Variants in MLLT10 observed in about 807,000 individuals in gnomAD.
MLLT10 encodes the protein MLLT10 histone lysine methyltransferase DOT1L cofactor.
In MLLT10, 30 loss-of-function variants were observed where a neutral mutation model predicts 129.1. The ratio of observed to expected loss-of-function variants is 0.23; its 90% confidence interval spans 0.17 to 0.32. The LOEUF is 0.32. MLLT10 is among the 10% of genes least tolerant of loss of function. MLLT10 has a pLI of 1.00. For synonymous variants in MLLT10, 490 were observed against 446.4 expected, an observed-to-expected ratio of 1.10 and a Z score of -1.23; for missense variants, 1,119 against 1,268.3, an observed-to-expected ratio of 0.88 and a Z score of 1.79.
intron 5 of MLLT10, among the ~76,000 whole-genome samples, chr10:21,611,933 A>G (rs997099252): frequency 2.0e-5 from 3 of 152,048 alleles, no homozygotes; most frequent in Admixed American, 6.6e-5. Context: ...CCCTGTTTCA[A>G]ACCCTCTTAG....
chr10:21,600,227 A>C (rs2043392424), intron 5 of MLLT10, among the ~76,000 whole-genome samples: 1 of 152,192 alleles, frequency 6.6e-6, no homozygotes, highest in South Asian at 2.1e-4. Context: ...GTACATGGTA[A>C]GACAAATATT....
intron 6 of MLLT10, among the ~76,000 whole-genome samples, chr10:21,613,734 C>T (rs140342686): frequency 6.6e-6 from 1 of 152,092 alleles, no homozygotes; most frequent in Non-Finnish European, 1.5e-5. Context: ...AAAACCCCAT[C>T]TCTACTACAA....
chr10:21,567,863 A>G (rs2039766740), intron 3 of MLLT10, among the ~76,000 whole-genome samples: 1 of 145,666 alleles, frequency 6.9e-6, no homozygotes, highest in South Asian at 2.2e-4. Flanking sequence ...TCTGTCACCC[A>G]GGCTGGAGTG....
chr10:21,677,796 G>A (rs1213436962), intron 11 of MLLT10, among the ~76,000 whole-genome samples: 2 of 152,234 alleles, frequency 1.3e-5, no homozygotes, highest in Admixed American at 6.5e-5. Flanking sequence ...TGAATGACAG[G>A]TCGATAATTT....
At chr10:21,687,263 G>A (rs1014850975) in intron 13 of MLLT10, among the ~76,000 whole-genome samples, 2 of 152,126 alleles carry the variant, frequency 1.3e-5, no homozygotes, top group African/African-American at 4.8e-5. Flanking sequence ...GTTCTACTTA[G>A]GCTTGTCAGA....
intron 13 of MLLT10, among the ~76,000 whole-genome samples, chr10:21,701,310 GA>G (rs1305123385): frequency 4.8e-5 from 7 of 145,146 alleles, no homozygotes; most frequent in Non-Finnish European, 9.0e-5. Context: ...TTGAGAGGGA[GA>G]GGGGGTCTCT....
At chr10:21,658,249 C>A (rs565773543) in intron 9 of MLLT10, among the ~76,000 whole-genome samples, 155 of 152,312 alleles carry the variant, frequency 1.0e-3, no homozygotes, top group African/African-American at 3.2e-3. Context: ...CTTGTGACTT[C>A]TTTTAATCTC....
chr10:21,631,897 A>G (rs1564542735), intron 8 of MLLT10, among the ~76,000 whole-genome samples: 1 of 151,688 alleles, frequency 6.6e-6, no homozygotes, highest in East Asian at 1.9e-4. Context: ...AAAGTTAGAT[A>G]AATCTGTATT....
chr10:21,612,318 A>ATT, intron 5 of MLLT10, 30 bp from the exon 6 acceptor site: 1 of 1,378,050 alleles, frequency 7.3e-7, no homozygotes, highest in Non-Finnish European at 1.0e-6. Flanking sequence ...AACATGTATG[A>ATT]TTTTTGTCTT....
chr10:21,707,986 G>C (rs987472662), intron 13 of MLLT10, among the ~76,000 whole-genome samples: 9 of 152,040 alleles, frequency 5.9e-5, no homozygotes, highest in African/African-American at 2.2e-4. Flanking sequence ...TTTCACTCTT[G>C]TGGTACCTTT....
intron 3 of MLLT10, among the ~76,000 whole-genome samples, chr10:21,559,480 A>G (rs1316869729): frequency 1.3e-5 from 2 of 152,268 alleles, no homozygotes; most frequent in Non-Finnish European, 2.9e-5. Flanking sequence ...TACACATAAT[A>G]CAAAATATAC....
intron 8 of MLLT10, among the ~76,000 whole-genome samples, chr10:21,623,075 A>G (rs912703297): frequency 2.6e-5 from 4 of 152,222 alleles, no homozygotes; most frequent in South Asian, 4.1e-4. Flanking sequence ...TAGAGCTTCC[A>G]TGCCCTCTCC....
chr10:21,612,878 G>A (rs971936514), intron 6 of MLLT10, among the ~76,000 whole-genome samples: 2 of 152,008 alleles, frequency 1.3e-5, no homozygotes, highest in African/African-American at 2.4e-5. Context: ...TTACAATGGC[G>A]ACTTCACAAA....
At chr10:21,682,586 C>T (rs1046009832) in intron 13 of MLLT10, among the ~76,000 whole-genome samples, 1 of 151,982 alleles carries the variant, frequency 6.6e-6, no homozygotes, top group East Asian at 1.9e-4. Context: ...ATTATTGGTA[C>T]CTAGGGGAAG....
At chr10:21,561,025 A>G (rs1004767235) in intron 3 of MLLT10, among the ~76,000 whole-genome samples, 1 of 152,078 alleles carries the variant, frequency 6.6e-6, no homozygotes, top group African/African-American at 2.4e-5. Flanking sequence ...ATTTGTGAAT[A>G]TTTTATCCCA....
intron 9 of MLLT10, among the ~76,000 whole-genome samples, chr10:21,665,603 A>T (rs1242460588): frequency 6.6e-6 from 1 of 151,934 alleles, no homozygotes; most frequent in Non-Finnish European, 1.5e-5. Flanking sequence ...AGGTTTTTTT[A>T]AGGCAGCGTA....
intron 11 of MLLT10, among the ~76,000 whole-genome samples, chr10:21,676,585 GTGGCACGCACC>G (rs1370629398): frequency 5.3e-5 from 8 of 150,642 alleles, no homozygotes; most frequent in African/African-American, 1.7e-4. Flanking sequence ...GCTAGACGTG[GTGGCACGCACC>G]TGTAGTCCCA....
At chr10:21,731,775 T>A (rs1362891979) in intron 17 of MLLT10, among the ~76,000 whole-genome samples, 1 of 152,170 alleles carries the variant, frequency 6.6e-6, no homozygotes, top group African/African-American at 2.4e-5. Context: ...AGAGTTAAAA[T>A]AGGTGGTGGT....
chr10:21,562,332 T>A (rs1156948711), intron 3 of MLLT10, among the ~76,000 whole-genome samples: 1 of 147,008 alleles, frequency 6.8e-6, no homozygotes, highest in Non-Finnish European at 1.5e-5. Flanking sequence ...TTTGTTTTTT[T>A]ATTTATTTAT....
Sources: gnomAD v4.1 joint callset for allele counts (sites outside exome capture counted in the v4.1 genomes callset) on GRCh38, gnomAD v4.1.1 for gene constraint, MANE v1.5 for transcripts, NCBI Gene and HGNC (gene_info 2026-07-23, HGNC 2026-07-21) for gene names.